Variants in XPO7 observed in about 807,000 individuals in gnomAD.
The protein encoded by XPO7 is exportin 7.
XPO7 carries 21 observed loss-of-function variants against 144.3 expected under a neutral mutation model. That is an observed-to-expected ratio of 0.15 (90% CI 0.10 to 0.21). XPO7 has a LOEUF of 0.21. Ranked by LOEUF, XPO7 falls within the 10% of genes least tolerant of loss-of-function variation. XPO7 has a pLI of 1.00. For missense variants in XPO7, 808 were observed against 1,325.8 expected, an observed-to-expected ratio of 0.61 and a Z score of 6.06; for synonymous variants, 580 against 499.6, an observed-to-expected ratio of 1.16 and a Z score of -2.15.
At chr8:21,997,146 A>G (rs952725956) in intron 21 of XPO7, among the ~76,000 whole-genome samples, 1 of 152,194 alleles carries the variant, frequency 6.6e-6, no homozygotes, top group Admixed American at 6.5e-5. Context: ...GGAGTGGGTA[A>G]TATTTAAAGA....
At chr8:21,969,916 A>G (rs1176790267) in intron 3 of XPO7, 2 of 568,186 alleles carry the variant, frequency 3.5e-6, no homozygotes, top group African/African-American at 3.8e-5. Flanking sequence ...CAAAGCAGCT[A>G]TACTGCAAAT....
intron 1 of XPO7, among the ~76,000 whole-genome samples, chr8:21,922,108 C>G (rs774441969): frequency 3.9e-5 from 6 of 152,080 alleles, no homozygotes; most frequent in Non-Finnish European, 8.8e-5. Flanking sequence ...AGATTCATGA[C>G]TGATTATTGG....
At chr8:21,940,421 A>G (rs1046174557) in intron 1 of XPO7, among the ~76,000 whole-genome samples, 9 of 152,018 alleles carry the variant, frequency 5.9e-5, no homozygotes, top group Non-Finnish European at 7.4e-5. Flanking sequence ...TGTGGGTAGT[A>G]TGGGTAGTAA....
intron 1 of XPO7, among the ~76,000 whole-genome samples, chr8:21,954,761 G>A (rs1370974986): frequency 1.3e-5 from 2 of 152,180 alleles, no homozygotes; most frequent in Non-Finnish European, 1.5e-5. Context: ...ACTTAATGAA[G>A]TGAGTTTATA....
intron 10 of XPO7, among the ~76,000 whole-genome samples, chr8:21,982,194 C>T (rs548200201): frequency 1.3e-5 from 2 of 152,280 alleles, no homozygotes; most frequent in Non-Finnish European, 2.9e-5. Flanking sequence ...GATGCCCTCT[C>T]TTTCTTAGTC....
At chr8:21,997,774 CAG>C (rs1048893146) in intron 21 of XPO7, among the ~76,000 whole-genome samples, 51 of 151,834 alleles carry the variant, frequency 3.4e-4, no homozygotes, top group African/African-American at 1.2e-3. Context: ...AGAGTAGAAG[CAG>C]AGAGAATGTA....
At chr8:21,934,030 GT>G (rs1810739939) in intron 1 of XPO7, among the ~76,000 whole-genome samples, 1 of 152,114 alleles carries the variant, frequency 6.6e-6, no homozygotes, top group African/African-American at 2.4e-5. Context: ...ACGAGAAAAT[GT>G]TTTTTTCAGT....
chr8:21,936,186 G>A (rs1422795413), intron 1 of XPO7, among the ~76,000 whole-genome samples: 2 of 152,038 alleles, frequency 1.3e-5, no homozygotes, highest in Non-Finnish European at 2.9e-5. Flanking sequence ...CTGAATCAGG[G>A]TTTCATTGTG....
At chr8:21,985,983 C>T (rs1034857490) in intron 13 of XPO7, among the ~76,000 whole-genome samples, 4 of 152,152 alleles carry the variant, frequency 2.6e-5, no homozygotes, top group African/African-American at 9.7e-5. Flanking sequence ...AAAATATGGA[C>T]TGCTTTTGCC....
intron 1 of XPO7, among the ~76,000 whole-genome samples, chr8:21,920,563 A>G (rs1810246055): frequency 6.6e-6 from 1 of 152,188 alleles, no homozygotes; most frequent in Non-Finnish European, 1.5e-5. Flanking sequence ...ATCCGGCTCA[A>G]GAGCTGCTCC....
rs1480019821 is a variant in XPO7 at position 21,966,293 on chromosome 8, A to G, written c.19-564A>G. On this transcript the variant is annotated intron_variant, in intron 1 of 27. Transcript: ENST00000252512. ...GAAGAGAGTCTGCTGAACTTTAGAC[A>G]TGAGGGATCCAGGGAGGAAGGTGCG... The G allele has an allele frequency of 1.3e-5, 10 of 780,576 alleles. No individual in the cohort carries two copies. The South Asian group carries it at 1.3e-4, about 10-fold the overall frequency. The allele number at this position is 780,576 out of a possible 1,614,324, so 48.4% of individuals were successfully genotyped here. A position where few individuals can be genotyped will look rare whatever the true frequency, so the allele number is the denominator to read the frequency against.
intron 21 of XPO7, among the ~76,000 whole-genome samples, chr8:21,998,440 C>T (rs1813026172): frequency 6.6e-6 from 1 of 151,080 alleles, no homozygotes; most frequent in Middle Eastern, 3.2e-3. Flanking sequence ...GACTCCATCT[C>T]AAAAAAAAGA....
chr8:21,945,595 C>A (rs1811166904), intron 1 of XPO7, among the ~76,000 whole-genome samples: 1 of 152,160 alleles, frequency 6.6e-6, no homozygotes, highest in Admixed American at 6.5e-5. Context: ...TCCTACTGTA[C>A]AACACCCCAA....
At chr8:21,942,890 T>TTTTTG (rs1206633914) in intron 1 of XPO7, among the ~76,000 whole-genome samples, 2 of 152,142 alleles carry the variant, frequency 1.3e-5, no homozygotes, top group Non-Finnish European at 1.5e-5. Context: ...ACTAGCTGGG[T>TTTTTG]TTTTGTTTTG....
intron 2 of XPO7, among the ~76,000 whole-genome samples, chr8:21,967,463 T>C (rs2117325574): frequency 6.6e-6 from 1 of 152,304 alleles, no homozygotes; most frequent in South Asian, 2.1e-4. Flanking sequence ...CCCGAGTAGC[T>C]GGGATCACAG....
At chr8:21,991,805 C>T in intron 18 of XPO7, 63 bp from the exon 19 acceptor site, 1 of 1,325,724 alleles carries the variant, frequency 7.5e-7, no homozygotes, top group Non-Finnish European at 1.0e-6. Flanking sequence ...TCCCATCTTC[C>T]CATATATGCA....
chr8:21,982,438 A>G (rs1213050553), intron 10 of XPO7, among the ~76,000 whole-genome samples: 1 of 152,216 alleles, frequency 6.6e-6, no homozygotes, highest in Non-Finnish European at 1.5e-5. Flanking sequence ...GCCAGCATAG[A>G]GTAGCCCTTC....
chr8:21,960,312 C>T (rs1252816955), intron 1 of XPO7, among the ~76,000 whole-genome samples: 1 of 152,210 alleles, frequency 6.6e-6, no homozygotes, highest in African/African-American at 2.4e-5. Flanking sequence ...TGAAACCTCT[C>T]CTTTAGAGGA....
At chr8:21,998,607 T>A in intron 21 of XPO7, 148 bp from the exon 22 acceptor site, 1 of 597,900 alleles carries the variant, frequency 1.7e-6, no homozygotes, top group Non-Finnish European at 2.9e-6. Context: ...TAAATATCTA[T>A]AACTTGGTTA....
Sources: allele counts gnomAD v4.1 joint callset (sites outside exome capture counted in the v4.1 genomes callset), GRCh38; gene constraint gnomAD v4.1.1; transcripts MANE v1.5; gene names NCBI Gene and HGNC (gene_info 2026-07-23, HGNC 2026-07-21).